IGF2BP2: variants seen among roughly 807,000 people sequenced by gnomAD.
The protein encoded by IGF2BP2 is insulin like growth factor 2 mRNA binding protein 2, also known as insulin-like growth factor 2 mRNA-binding protein 2.
Under a neutral mutation model 75.8 loss-of-function variants are expected in IGF2BP2, and 17 were observed. The ratio of observed to expected loss-of-function variants is 0.22; its 90% confidence interval spans 0.15 to 0.34. The LOEUF is 0.34. Ranked by LOEUF, IGF2BP2 falls within the 10% of genes least tolerant of loss-of-function variation. IGF2BP2 has a pLI of 1.00. For missense variants in IGF2BP2, 516 were observed against 772.4 expected, an observed-to-expected ratio of 0.67 and a Z score of 3.93; for synonymous variants, 288 against 295.6, an observed-to-expected ratio of 0.97 and a Z score of 0.26.
intron 2 of IGF2BP2, among the ~76,000 whole-genome samples, chr3:185,761,846 C>G (rs1046205331): frequency 2.6e-5 from 4 of 152,196 alleles, no homozygotes; most frequent in African/African-American, 9.6e-5. Context: ...CGTGAAAGCA[C>G]AATTTAGCAA....
intron 2 of IGF2BP2, among the ~76,000 whole-genome samples, chr3:185,725,298 G>A (rs1727159309): frequency 6.6e-6 from 1 of 152,134 alleles, no homozygotes; most frequent in Non-Finnish European, 1.5e-5. Flanking sequence ...AGATGGCCAT[G>A]GAAAGGTTTG....
intron 2 of IGF2BP2, among the ~76,000 whole-genome samples, chr3:185,778,192 C>T (rs1238784361): frequency 6.6e-6 from 1 of 152,154 alleles, no homozygotes; most frequent in Non-Finnish European, 1.5e-5. Context: ...TGGAGCACGT[C>T]TTGGCAGCTC....
At chr3:185,672,774 T>C (rs1718731273) in intron 9 of IGF2BP2, 105 bp from the exon 10 acceptor site, 4 of 1,290,552 alleles carry the variant, frequency 3.1e-6, no homozygotes, top group Non-Finnish European at 4.4e-6. Flanking sequence ...CGTCTCCTAA[T>C]CAGCTCTGCC....
At position 185,702,792 on chromosome 3, in the gene IGF2BP2, C is replaced by A. The variant is rs770522378; in HGVS notation, c.240-4445G>T. ...CCTTCACACCAAGCCCCTCCACCTG[C>A]AGTTCACAAGTGTGCCAGAATGAGC... On this transcript the variant is annotated intron_variant, in intron 2 of 15. Transcript: ENST00000382199. Among the ~76,000 whole-genome samples the A allele has an allele frequency of 2.7e-4, 41 of 152,172 alleles. 1 individual carries two copies. The highest frequency in any genetic ancestry group is 8.8e-5 in the Non-Finnish European group (6 of 68,026).
intron 2 of IGF2BP2, among the ~76,000 whole-genome samples, chr3:185,778,956 T>C (rs527639868): frequency 2.6e-5 from 4 of 152,046 alleles, no homozygotes; most frequent in Non-Finnish European, 5.9e-5. Context: ...CTAAAGTGCC[T>C]CCAGAGCTAA....
chr3:185,689,101 C>T (rs957723892), intron 6 of IGF2BP2: 8 of 468,372 alleles, frequency 1.7e-5, no homozygotes, highest in Non-Finnish European at 2.3e-5. Context: ...AGCATTAGTT[C>T]GCTTACAGGA....
At chr3:185,715,480 C>T (rs1227430489) in intron 2 of IGF2BP2, among the ~76,000 whole-genome samples, 1 of 152,176 alleles carries the variant, frequency 6.6e-6, no homozygotes, top group Non-Finnish European at 1.5e-5. Context: ...CACTAACTTT[C>T]TTCTCAGAAG....
At chr3:185,746,267 T>C (rs779844349) in intron 2 of IGF2BP2, among the ~76,000 whole-genome samples, 15 of 152,032 alleles carry the variant, frequency 9.9e-5, no homozygotes, top group Non-Finnish European at 2.2e-4. Context: ...CGGAGGGCAA[T>C]CAAAGTGATA....
At chr3:185,680,722 T>C (rs546294605) in intron 7 of IGF2BP2, among the ~76,000 whole-genome samples, 3 of 152,238 alleles carry the variant, frequency 2.0e-5, no homozygotes, top group South Asian at 2.1e-4. Context: ...GGAAAGAGGA[T>C]TGCTTGAGGC....
intron 12 of IGF2BP2, among the ~76,000 whole-genome samples, chr3:185,656,004 A>G (rs897769182): frequency 6.6e-6 from 1 of 152,224 alleles, no homozygotes; most frequent in Admixed American, 6.5e-5. Flanking sequence ...TGCCTTGCCC[A>G]TGTCCCGGCA....
In IGF2BP2 at chr3:185,675,058, A is replaced by G. The variant is rs547031934; in HGVS notation, c.1071+238T>C. ...ATTCTTGCTTTTCTTAATAAACACT[A>G]TATCATAAGCTTTTCCTTATTTCAG... On this transcript the variant is annotated intron_variant, in intron 9 of 15. Transcript: ENST00000382199. 59 of 281,104 alleles carry G rather than the reference A, an allele frequency of 2.1e-4. No homozygotes were observed. In the Admixed American group the frequency reaches 2.3e-3, roughly 11 times the overall value. The allele number at this position is 281,104 out of a possible 1,614,324, so 17.4% of individuals were successfully genotyped here. A position where few individuals can be genotyped will look rare whatever the true frequency, so the allele number is the denominator to read the frequency against.
At chr3:185,778,124 T>C (rs1734753392) in intron 2 of IGF2BP2, among the ~76,000 whole-genome samples, 1 of 152,190 alleles carries the variant, frequency 6.6e-6, no homozygotes, top group East Asian at 1.9e-4. Context: ...CAGTAATTTA[T>C]ATTCATTCAT....
intron 1 of IGF2BP2, 40 bp downstream of exon 1, chr3:185,824,743 C>A: frequency 7.9e-7 from 1 of 1,261,530 alleles, no homozygotes; most frequent in Non-Finnish European, 1.0e-6. Context: ...CCGGCCTGAG[C>A]GGGGCGAGGC....
chr3:185,751,376 G>A (rs977299090), intron 2 of IGF2BP2, among the ~76,000 whole-genome samples: 2 of 151,998 alleles, frequency 1.3e-5, no homozygotes, highest in Non-Finnish European at 2.9e-5. Flanking sequence ...TCGGGAGTTC[G>A]AGACCAGCCT....
intron 10 of IGF2BP2, among the ~76,000 whole-genome samples, chr3:185,669,358 TAC>T (rs372428281): frequency 2.6e-5 from 4 of 151,384 alleles, no homozygotes; most frequent in African/African-American, 4.8e-5. Context: ...TATATAAATA[TAC>T]ACACACACAC....
chr3:185,756,025 C>T (rs934762114), intron 2 of IGF2BP2, among the ~76,000 whole-genome samples: 23 of 152,142 alleles, frequency 1.5e-4, no homozygotes, highest in Admixed American at 1.5e-3. Context: ...CCCTCCAAAT[C>T]TCATGTTGAA....
Position 185,644,232 on chromosome 3 carries a change from T to G in IGF2BP2, c.*1299A>C, listed in dbSNP as rs1426433205. On this transcript the variant is annotated 3_prime_UTR_variant, in exon 16 of 16. Coordinates refer to ENST00000382199, the MANE Select transcript of IGF2BP2 (RefSeq NM_006548.6). ...AGGTAAAAACACCTGAGGTAGCTTC[T>G]TCTGTGTGTTTTTCTCGTTAAAAAA... The G allele has an allele frequency of 1.3e-5, 2 of 152,480 alleles. No individual in the cohort carries two copies. Among genetic ancestry groups the G allele is most frequent in the East Asian group, 3.8e-4 (2 of 5,196 alleles). The allele number at this position is 152,480 out of a possible 1,614,324, so 9.4% of individuals were successfully genotyped here. A position where few individuals can be genotyped will look rare whatever the true frequency, so the allele number is the denominator to read the frequency against.
intron 2 of IGF2BP2, among the ~76,000 whole-genome samples, chr3:185,700,104 G>A (rs1723089980): frequency 6.6e-6 from 1 of 152,026 alleles, no homozygotes; most frequent in Admixed American, 6.6e-5. Flanking sequence ...CGGGGTCAGA[G>A]GTACTAAACA....
intron 2 of IGF2BP2, among the ~76,000 whole-genome samples, chr3:185,805,197 T>C (rs1268039600): frequency 6.6e-6 from 1 of 152,074 alleles, no homozygotes. Flanking sequence ...CAGGTTTTAC[T>C]GGATTTCTGA....
Sources: gnomAD v4.1 joint callset for allele counts (sites outside exome capture counted in the v4.1 genomes callset) on GRCh38, gnomAD v4.1.1 for gene constraint, MANE v1.5 for transcripts, NCBI Gene and HGNC (gene_info 2026-07-23, HGNC 2026-07-21) for gene names.